ABCC4: variants seen among roughly 807,000 people sequenced by gnomAD.
The protein encoded by ABCC4 is ATP binding cassette subfamily C member 4 (PEL blood group).
In ABCC4, 102 loss-of-function variants were observed where a neutral mutation model predicts 168.5. That is an observed-to-expected ratio of 0.61 (90% confidence interval 0.52 to 0.71). The LOEUF (loss-of-function observed/expected upper bound fraction) is 0.71, where lower values mean the gene tolerates loss of function less well. ABCC4 is among the 30% of genes least tolerant of loss of function. The pLI, the probability that ABCC4 is intolerant of heterozygous loss-of-function variation, is 0.00. For missense variants in ABCC4, 1,402 were observed against 1,605.8 expected, an observed-to-expected ratio of 0.87 and a Z score of 2.17; for synonymous variants, 617 against 590.7, an observed-to-expected ratio of 1.04 and a Z score of -0.65.
intron 1 of ABCC4, among the ~76,000 whole-genome samples, chr13:95,279,844 C>A (rs1039641207): frequency 6.6e-5 from 10 of 152,030 alleles, no homozygotes; most frequent in African/African-American, 2.4e-4. Context: ...AGCCACAGGG[C>A]CCCCCAGGAA....
intron 4 of ABCC4, among the ~76,000 whole-genome samples, chr13:95,218,986 AGTGAGAAAGAAAGAAAGAGT>A (rs2039230271): frequency 1.8e-5 from 2 of 108,970 alleles, no homozygotes; most frequent in South Asian, 3.2e-4. Context: ...AGAAAGAAAG[AGTGAGAAAGAAAGAAAGAGT>A]GAGAAAGAAA....
intron 4 of ABCC4, among the ~76,000 whole-genome samples, chr13:95,224,007 G>A (rs994797406): frequency 6.6e-6 from 1 of 151,916 alleles, no homozygotes; most frequent in South Asian, 2.1e-4. Flanking sequence ...AGAAAAACAA[G>A]AGTGTGAGAA....
chr13:95,151,191 T>A (rs554071069), intron 19 of ABCC4, among the ~76,000 whole-genome samples: 1 of 152,228 alleles, frequency 6.6e-6, no homozygotes, highest in Admixed American at 6.5e-5. Flanking sequence ...TTAGAAGTAA[T>A]CCATTGTTGG....
chr13:95,149,247 G>T (rs900366258), intron 19 of ABCC4, among the ~76,000 whole-genome samples: 2 of 152,134 alleles, frequency 1.3e-5, no homozygotes, highest in African/African-American at 2.4e-5. Flanking sequence ...TGTATGTGTT[G>T]ATTTTCCTTT....
At chr13:95,109,312 T>G (rs905271745) in intron 20 of ABCC4, among the ~76,000 whole-genome samples, 8 of 151,998 alleles carry the variant, frequency 5.3e-5, no homozygotes, top group African/African-American at 1.9e-4. Context: ...GCATCACTAA[T>G]GCGAAAGAGA....
intron 9 of ABCC4, among the ~76,000 whole-genome samples, chr13:95,190,564 T>G (rs1055220180): frequency 4.6e-5 from 7 of 152,140 alleles, no homozygotes; most frequent in Non-Finnish European, 1.0e-4. Flanking sequence ...TATCTATCTT[T>G]TAAAAAAGCA....
intron 19 of ABCC4, among the ~76,000 whole-genome samples, chr13:95,149,484 T>C (rs900335064): frequency 1.3e-5 from 2 of 152,138 alleles, no homozygotes; most frequent in Non-Finnish European, 2.9e-5. Context: ...AATACATTTA[T>C]AGTTCCCCCA....
intron 26 of ABCC4, among the ~76,000 whole-genome samples, chr13:95,062,431 T>C (rs1186918804): frequency 1.3e-5 from 2 of 151,698 alleles, no homozygotes; most frequent in African/African-American, 4.8e-5. Flanking sequence ...TGGTTATCAG[T>C]GGATAAAACT....
At chr13:95,279,526 C>A (rs992297292) in intron 1 of ABCC4, among the ~76,000 whole-genome samples, 1 of 152,164 alleles carries the variant, frequency 6.6e-6, no homozygotes, top group Non-Finnish European at 1.5e-5. Flanking sequence ...AAGTCTCAAC[C>A]GGTCCTAGAG....
At chr13:95,117,280 C>G (rs901196276) in intron 19 of ABCC4, among the ~76,000 whole-genome samples, 2 of 150,698 alleles carry the variant, frequency 1.3e-5, no homozygotes, top group African/African-American at 4.9e-5. Flanking sequence ...AAAGCCCAGG[C>G]ACAACGCCAG....
intron 19 of ABCC4, among the ~76,000 whole-genome samples, chr13:95,123,713 G>C (rs1472910359): frequency 6.6e-6 from 1 of 152,168 alleles, no homozygotes; most frequent in Non-Finnish European, 1.5e-5. Flanking sequence ...ATACATGTAA[G>C]TGAGCACAGC....
intron 19 of ABCC4, among the ~76,000 whole-genome samples, chr13:95,136,854 G>A (rs1281704273): frequency 6.6e-6 from 1 of 152,222 alleles, no homozygotes; most frequent in Non-Finnish European, 1.5e-5. Context: ...GGCGCACACG[G>A]CTCGCCACTG....
In ABCC4 at chr13:95,126,720, A is replaced by AATATATATATATATATATATAT. The variant is rs71111594; in HGVS notation, c.2456-10741_2456-10720dup. ...ATAAAAATGCATGAACTTTTTTTGG[A>AATATATATATATATATATATAT]ATATATATATATATATATATATATA... On this transcript the variant is annotated intron_variant, in intron 19 of 30. Coordinates refer to ENST00000645237, the MANE Select transcript of ABCC4 (RefSeq NM_005845.5). 1.5e-4 allele frequency among the ~76,000 whole-genome samples: 12 copies of AATATATATATATATATATATAT among 81,672 alleles called. 1 individual carries two copies. Among genetic ancestry groups the AATATATATATATATATATATAT allele is most frequent in the Admixed American group, 9.0e-4 (5 of 5,536 alleles). 53.6% of individuals were successfully genotyped at this position (81,672 alleles called of 152,430 possible). A position where few individuals can be genotyped will look rare whatever the true frequency, so the allele number is the denominator to read the frequency against.
Position 95,247,798 on chromosome 13 carries a change from G to A in ABCC4, c.75-45C>T, listed in dbSNP as rs536965796. On this transcript the variant is annotated intron_variant, in intron 1 of 30. Transcript: ENST00000645237. ...GACATATATCCAGAATTACACATCC[G>A]TGTTTAAGTAGACTCCTACCTCCAT... 4.7e-5 allele frequency: 70 copies of A among 1,504,648 alleles called. No homozygotes were observed. In the East Asian group the frequency reaches 6.5e-4, roughly 14 times the overall value. The allele number at this position is 1,504,648 out of a possible 1,614,324, so 93.2% of individuals were successfully genotyped here. A position where few individuals can be genotyped will look rare whatever the true frequency, so the allele number is the denominator to read the frequency against.
intron 5 of ABCC4, among the ~76,000 whole-genome samples, chr13:95,210,204 T>G (rs1383933283): frequency 2.0e-5 from 3 of 152,172 alleles, no homozygotes; most frequent in African/African-American, 7.2e-5. Context: ...ACTGGGCGGG[T>G]ATGGTGTTCA....
chr13:95,021,260 A>C lies in ABCC4; in HGVS notation c.*315T>G. 4.4e-6 allele frequency: 1 copy of C among 225,834 alleles called. No individual in the cohort carries two copies. Among genetic ancestry groups the C allele is most frequent in the Non-Finnish European group, 8.6e-6 (1 of 116,904 alleles). The allele number at this position is 225,834 out of a possible 1,614,324, so 14.0% of individuals were successfully genotyped here. A position where few individuals can be genotyped will look rare whatever the true frequency, so the allele number is the denominator to read the frequency against. On this transcript the variant is annotated 3_prime_UTR_variant, in exon 31 of 31. Coordinates refer to ENST00000645237, the MANE Select transcript of ABCC4 (RefSeq NM_005845.5). ...AAAAACAACAACAAAAACCTGTGAC[A>C]ACTTTGTCCTACTCCTTTAAAAATG...
At chr13:95,090,587 A>G (rs995142520) in intron 20 of ABCC4, among the ~76,000 whole-genome samples, 5 of 152,194 alleles carry the variant, frequency 3.3e-5, no homozygotes, top group Admixed American at 1.3e-4. Context: ...AGAGAGTACT[A>G]TATCAAGGGA....
chr13:95,207,697 G>T, intron 7 of ABCC4, 103 bp downstream of exon 7: 2 of 1,283,196 alleles, frequency 1.6e-6, no homozygotes, highest in South Asian at 1.4e-5. Flanking sequence ...GGATTGTACT[G>T]AACTTCCCAT....
chr13:95,294,038 T>C (rs2041466775), intron 1 of ABCC4, among the ~76,000 whole-genome samples: 1 of 152,044 alleles, frequency 6.6e-6, no homozygotes, highest in Non-Finnish European at 1.5e-5. Context: ...AGGCAGCCAC[T>C]GTATCGTGCA....
Sources: allele counts gnomAD v4.1 joint callset (sites outside exome capture counted in the v4.1 genomes callset), GRCh38; gene constraint gnomAD v4.1.1; transcripts MANE v1.5; gene names NCBI Gene and HGNC (gene_info 2026-07-23, HGNC 2026-07-21).